ALG10: variants seen among roughly 807,000 people sequenced by gnomAD.
ALG10 encodes the protein dol-P-Glc:Glc(2)Man(9)GlcNAc(2)-PP-Dol alpha-1,2-glucosyltransferase A.
Under a neutral mutation model 39.2 loss-of-function variants are expected in ALG10, and 25 were observed. The ratio of observed to expected loss-of-function variants is 0.64; its 90% CI spans 0.46 to 0.89. The LOEUF is 0.89. Among genes scored for constraint, ALG10 ranks in the 40% least tolerant of loss-of-function variants. The pLI is 0.00. For synonymous variants in ALG10, 184 were observed against 193.9 expected (o/e 0.95, Z 0.42); for missense variants, 486 against 546.6 (o/e 0.89, Z 1.11).
chr12:34,022,470 C>G, upstream of ALG10: 1 of 1,462,374 alleles, frequency 6.8e-7, no homozygotes, highest in Non-Finnish European at 9.5e-7. Flanking sequence ...CATCCTTTGC[C>G]TTCCGGTATG....
Position 34,026,712 on chromosome 12 carries a change from A to G in ALG10, c.1219A>G (p.Ile407Val). Residue 407 changes from isoleucine to valine, a missense_variant, in exon 3 of 3, where the codon ATA becomes GTA. By Grantham distance (29) the Ile-to-Val change is conservative. Transcript: ENST00000266483. ...LMFFICLFTVIVPQKLLEFRY... is the reference protein window; with the variant it reads ...LMFFICLFTVVVPQKLLEFRY... Reference sequence around the variant, plus strand: ...GTTTTTCATATGCTTGTTCACTGTTATAGTTCCTCAGAAACTGCTGGAATT... The same window carrying G: ...GTTTTTCATATGCTTGTTCACTGTTGTAGTTCCTCAGAAACTGCTGGAATT... 2 of 1,613,932 alleles carry G rather than the reference A, an allele frequency of 1.2e-6. No individual in the cohort carries two copies. The highest frequency in any genetic ancestry group is 8.5e-7 in the Non-Finnish European group (1 of 1,179,896).
chr12:34,023,583 GTCA>G (rs945156274), intron 1 of ALG10: 36 of 323,284 alleles, frequency 1.1e-4, no homozygotes, highest in Admixed American at 3.6e-4. Flanking sequence ...TATGTTAGCT[GTCA>G]TCATGGAGCC....
intron 2 of ALG10, among the ~76,000 whole-genome samples, 171 bp downstream of exon 2, chr12:34,024,330 C>T (rs767300824): frequency 6.6e-6 from 1 of 152,042 alleles, no homozygotes; most frequent in Non-Finnish European, 1.5e-5. Flanking sequence ...AGAATAAATT[C>T]GTATTTAAAT....
chr12:34,023,848 A>T, intron 1 of ALG10, 114 bp from the exon 2 acceptor site: 2 of 1,386,322 alleles, frequency 1.4e-6, no homozygotes, highest in Non-Finnish European at 2.0e-6. Context: ...TTGTCATAGA[A>T]TAACTTCTCA....
In ALG10 at chr12:34,025,961, T is replaced by C. The variant is rs777421692; in HGVS notation, c.468T>C (p.Ser156=). The change falls in exon 3 of 3, where the codon TCT becomes TCC. Residue 156 remains serine, a synonymous_variant. Coordinates refer to ENST00000266483, the MANE Select transcript of ALG10 (RefSeq NM_032834.4). ...FNFLYYTEAG[S]MFFTLFAYLM... is the part of the protein sequence containing the mutation. ...TCCTTTATTATACAGAAGCAGGATC[T>C]ATGTTTTTTACTCTTTTTGCGTATT... 4.8e-5 allele frequency: 78 copies of C among 1,614,102 alleles called. No homozygotes were observed. The highest frequency in any genetic ancestry group is 6.5e-5 in the Non-Finnish European group (77 of 1,179,962).
rs200879788 is a variant in ALG10 at position 34,027,175 on chromosome 12, G to T, written c.*260G>T. 3.8e-5 allele frequency: 11 copies of T among 289,726 alleles called. 1 individual carries two copies. In the South Asian group the frequency reaches 1.0e-3, roughly 28 times the overall value. The allele number at this position is 289,726 out of a possible 1,614,324, so 17.9% of individuals were successfully genotyped here. ...AGATATCTCATATCACTCTCATAAT[G>T]TTGGCCCCTTAAAAAGCTTGGGAAT... On this transcript the variant is annotated 3_prime_UTR_variant, in exon 3 of 3. Coordinates refer to ENST00000266483, the MANE Select transcript of ALG10 (RefSeq NM_032834.4).
intron 2 of ALG10, among the ~76,000 whole-genome samples, chr12:34,024,420 T>G (rs559916968): frequency 6.6e-6 from 1 of 152,364 alleles, no homozygotes; most frequent in African/African-American, 2.4e-5. Context: ...CTTACTGAAC[T>G]TATTCCATGT....
chr12:34,024,285 T>C, intron 2 of ALG10, 126 bp downstream of exon 2: 2 of 1,158,562 alleles, frequency 1.7e-6, no homozygotes, highest in Admixed American at 2.1e-5. Context: ...TTGTATATTA[T>C]GTAAAGGTAA....
chr12:34,023,777 G>A, intron 1 of ALG10, 185 bp from the exon 2 acceptor site: 4 of 699,400 alleles, frequency 5.7e-6, no homozygotes, highest in Non-Finnish European at 9.9e-6. Flanking sequence ...CCATCACTAA[G>A]CTGGTCCGGG....
Position 34,022,642 on chromosome 12 carries a change from T to C in ALG10, c.43T>C (p.Cys15Arg). The C allele has an allele frequency of 1.9e-6, 3 of 1,614,152 alleles. No individual in the cohort carries two copies. Among genetic ancestry groups the C allele is most frequent in the Non-Finnish European group, 2.5e-6 (3 of 1,180,004 alleles). The change falls in exon 1 of 3, where the codon TGT becomes CGT. Residue 15 changes from cysteine (C) to arginine (R), a missense_variant. Transcript: ENST00000266483. ...EGYYFSAALS[C>R]TFLVSCLLFS... is the part of the protein sequence containing the mutation. ...TTACTATTTCTCGGCCGCCTTGAGC[T>C]GTACCTTTTTAGTATCCTGCCTCCT... is the stretch of plus-strand genomic sequence containing the variant.
Position 34,022,580 on chromosome 12 carries a change from C to T in ALG10, c.-20C>T. 1 of 1,614,036 alleles carries T rather than the reference C, an allele frequency of 6.2e-7. No individual in the cohort carries two copies. Among genetic ancestry groups the T allele is most frequent in the Non-Finnish European group, 8.5e-7 (1 of 1,179,954 alleles). The stretch of plus-strand genomic sequence containing the variant: ...AATTTTCCAGGAGTAGGTTCTTGGG[C>T]AGTGGCTGTGGGAGCTGGAATGGCG... On this transcript the variant is annotated 5_prime_UTR_variant, in exon 1 of 3. Coordinates refer to ENST00000266483, the MANE Select transcript of ALG10 (RefSeq NM_032834.4).
chr12:34,023,663 A>G (rs4001710), intron 1 of ALG10: 1 of 402,288 alleles, frequency 2.5e-6, no homozygotes, highest in Non-Finnish European at 4.7e-6. Context: ...AAAAACTGGA[A>G]CATTTGCAGT....
intron 2 of ALG10, 78 bp from the exon 3 acceptor site, chr12:34,025,785 A>C (rs1336066273): frequency 6.5e-7 from 1 of 1,544,376 alleles, no homozygotes; most frequent in East Asian, 2.3e-5. Context: ...GTTTTTAAAT[A>C]AATTTCTTCA....
At chr12:34,025,759 TTTGAGTAG>T (rs1295547988) in intron 2 of ALG10, 96 bp from the exon 3 acceptor site, 2 of 1,362,144 alleles carry the variant, frequency 1.5e-6, no homozygotes, top group Admixed American at 4.0e-5. Context: ...TTAAAGAAGG[TTTGAGTAG>T]TTGAGTAGTT....
At chr12:34,022,480 G>GTGGCCCCGTCTGGC (rs1473785768), upstream of ALG10, 8 of 1,515,792 alleles carry the variant, frequency 5.3e-6, no homozygotes, top group East Asian at 2.3e-5. Context: ...CTTCCGGTAT[G>GTGGCCCCGTCTGGC]TGGCCCCGTC....
intron 2 of ALG10, among the ~76,000 whole-genome samples, 199 bp from the exon 3 acceptor site, chr12:34,025,664 C>A (rs2120693335): frequency 6.6e-6 from 1 of 152,208 alleles, no homozygotes; most frequent in East Asian, 1.9e-4. Flanking sequence ...GATAGGTATA[C>A]ATAAAAAGTA....
At chr12:34,022,378 G>GA (rs34004926), upstream of ALG10, 192,654 of 605,522 alleles carry the variant, frequency 0.32, 37,156 homozygotes, top group Non-Finnish European at 0.37. Context: ...ATGCGATTGA[G>GA]AGGGTAATCA....
At chr12:34,023,933 C>A in intron 1 of ALG10, 29 bp from the exon 2 acceptor site, 2 of 1,613,250 alleles carry the variant, frequency 1.2e-6, no homozygotes, top group South Asian at 1.1e-5. Flanking sequence ...TTACCTCTTG[C>A]TTTTACTTCA....
chr12:34,024,043 T>C lies in ALG10; in HGVS notation c.253T>C (p.Trp85Arg). 6.2e-7 allele frequency: 1 copy of C among 1,614,212 alleles called. No individual in the cohort carries two copies. Among genetic ancestry groups the C allele is most frequent in the Non-Finnish European group, 8.5e-7 (1 of 1,180,028 alleles). The change falls in exon 2 of 3, where the codon TGG (tryptophan) becomes CGG (arginine). Residue 85 changes from tryptophan (W) to arginine (R), a missense_variant. Trp to Arg is a moderately radical substitution (Grantham distance 101). Coordinates refer to ENST00000266483, the MANE Select transcript of ALG10 (RefSeq NM_032834.4). ...VIKPAIWIFG[W>R]SEHVVCSIGM... ...CAAACCTGCCATTTGGATCTTTGGA[T>C]GGTCTGAACATGTTGTCTGCTCCAT...
Sources: allele counts gnomAD v4.1 joint callset (sites outside exome capture counted in the v4.1 genomes callset), GRCh38; gene constraint gnomAD v4.1.1; transcripts MANE v1.5; gene names NCBI Gene and HGNC (gene_info 2026-07-23, HGNC 2026-07-21).